The following GAK variants were observed in gnomAD, a reference collection of about 807,000 sequenced individuals.
GAK encodes cyclin-G-associated kinase.
In GAK, 79 loss-of-function variants were observed where a neutral mutation model predicts 143.9. The observed-to-expected ratio is 0.55, with a 90% CI of 0.46 to 0.66. GAK has a LOEUF of 0.66. Among genes scored for constraint, GAK ranks in the 30% least tolerant of loss-of-function variants. The pLI is 0.00. For synonymous variants in GAK, 881 were observed against 765.5 expected (o/e 1.15, Z -2.49); for missense variants, 1,693 against 1,779.7 (o/e 0.95, Z 0.88).
chr4:882,950 G>T, intron 13 of GAK, 131 bp from the exon 14 acceptor site: 1 of 1,174,294 alleles, frequency 8.5e-7, no homozygotes, highest in Non-Finnish European at 1.2e-6. Context: ...GTCCACCTGC[G>T]CGAGACCTGA....
intron 10 of GAK, among the ~76,000 whole-genome samples, chr4:890,284 G>A (rs969222067): frequency 1.3e-5 from 2 of 152,168 alleles, no homozygotes; most frequent in Non-Finnish European, 2.9e-5. Context: ...CTCTTCCCTT[G>A]GCTGGCTTTA....
intron 11 of GAK, 140 bp from the exon 12 acceptor site, chr4:884,226 T>C (rs1429429848): frequency 7.4e-6 from 5 of 671,708 alleles, no homozygotes; most frequent in Non-Finnish European, 7.8e-6. Flanking sequence ...AACGTGTGTG[T>C]GCACAGGCGT....
chr4:880,479 C>T (rs1322063667), intron 15 of GAK, among the ~76,000 whole-genome samples: 1 of 152,236 alleles, frequency 6.6e-6, no homozygotes, highest in African/African-American at 2.4e-5. Flanking sequence ...CTTATAGTAG[C>T]TGCGCCCCCT....
At position 866,380 on chromosome 4, in the gene GAK, G is replaced by A. The variant is rs146838470; in HGVS notation, c.3027C>T (p.Ala1009=). 4.5e-5 allele frequency: 73 copies of A among 1,613,890 alleles called. No homozygotes were observed. The highest frequency in any genetic ancestry group is 5.3e-5 in the African/African-American group (4 of 74,938). The change falls in exon 22 of 28, where the codon GCC becomes GCT. Residue 1009 remains alanine (A), a synonymous_variant. Coordinates refer to ENST00000314167, the MANE Select transcript of GAK (RefSeq NM_005255.4). ...GGCACTTACCCAGGTGCAGGAAGTCGGCGCTGCAGGATGGGGGCGGAGCAC... is the reference window on the plus strand; with the variant it reads ...GGCACTTACCCAGGTGCAGGAAGTCAGCGCTGCAGGATGGGGGCGGAGCAC... ...AHSAPPPSCS[A]DFLHLGDLPG...
intron 10 of GAK, 29 bp from the exon 11 acceptor site, chr4:888,999 C>G: frequency 3.8e-6 from 6 of 1,598,896 alleles, no homozygotes; most frequent in Non-Finnish European, 5.1e-6. Flanking sequence ...TCAGCAGGCC[C>G]CAGGTGCTCG....
intron 1 of GAK, among the ~76,000 whole-genome samples, chr4:925,562 G>T (rs558744758): frequency 6.6e-6 from 1 of 152,178 alleles, no homozygotes; most frequent in Non-Finnish European, 1.5e-5. Context: ...CAACACTACA[G>T]AATGAATCTG....
In GAK at chr4:851,952, A is replaced by G. The variant is rs55697914; in HGVS notation, c.3306T>C (p.Pro1102=). 4.7e-4 allele frequency: 762 copies of G among 1,613,854 alleles called. 3 individuals carry two copies. The African/African-American group carries it at 8.6e-3, about 18-fold the overall frequency. ...TGGCCGTTTTGGGAATGAAGCCCCC[A>G]GGAGGGAATCCAGCTGGTGAGCCTG... is the stretch of plus-strand genomic sequence containing the variant. ...GLQGSPAGFP[P]GGFIPKTATT... is the part of the protein sequence containing the mutation. The change falls in exon 25 of 28, where the codon CCT becomes CCC. Residue 1102 remains proline (P), a synonymous_variant. Transcript: ENST00000314167.
At chr4:921,611 C>T (rs908737224) in intron 1 of GAK, among the ~76,000 whole-genome samples, 2 of 151,198 alleles carry the variant, frequency 1.3e-5, no homozygotes, top group African/African-American at 4.9e-5. Flanking sequence ...TGTGACAAGG[C>T]GTGATTCGTA....
intron 6 of GAK, among the ~76,000 whole-genome samples, chr4:896,931 C>A (rs976516755): frequency 6.6e-6 from 1 of 152,246 alleles, no homozygotes; most frequent in South Asian, 2.1e-4. Flanking sequence ...TTCTGTGACA[C>A]CCAGAACCCC....
chr4:917,535 T>C (rs1723266969), intron 1 of GAK, among the ~76,000 whole-genome samples: 1 of 150,382 alleles, frequency 6.6e-6, no homozygotes, highest in Admixed American at 6.6e-5. Flanking sequence ...AAAAAGAGAG[T>C]ACATATACAC....
At chr4:890,483 G>A (rs773481171) in intron 10 of GAK, 49 bp downstream of exon 10, 32 of 1,426,652 alleles carry the variant, frequency 2.2e-5, no homozygotes, top group Non-Finnish European at 2.8e-5. Context: ...GGTGCCCGGG[G>A]TGCAGCAGGA....
intron 24 of GAK, among the ~76,000 whole-genome samples, chr4:857,176 A>C (rs962710748): frequency 6.6e-6 from 1 of 152,122 alleles, no homozygotes; most frequent in Non-Finnish European, 1.5e-5. Flanking sequence ...ATCTTACTTG[A>C]TCTTGGTGTA....
At chr4:891,280 T>TG (rs1717609441) in intron 9 of GAK, among the ~76,000 whole-genome samples, 1 of 151,666 alleles carries the variant, frequency 6.6e-6, no homozygotes, top group African/African-American at 2.4e-5. Context: ...TTTTTTTTTT[T>TG]TTGAAACGGA....
chr4:889,898 C>T (rs1222567202), intron 10 of GAK, among the ~76,000 whole-genome samples: 13 of 152,236 alleles, frequency 8.5e-5, no homozygotes, highest in Admixed American at 8.5e-4. Flanking sequence ...CAGGGACACC[C>T]AGGCCCATCA....
chr4:902,475 G>C (rs186240547), intron 5 of GAK, among the ~76,000 whole-genome samples: 69 of 151,280 alleles, frequency 4.6e-4, no homozygotes, highest in Middle Eastern at 3.4e-3. Context: ...CGTGGTGTGC[G>C]CCTGTGGTCC....
At chr4:869,011 G>A (rs1438591034) in intron 19 of GAK, 4 of 321,914 alleles carry the variant, frequency 1.2e-5, no homozygotes, top group South Asian at 3.5e-5. Context: ...CGGTACACAC[G>A]AATGCATAGA....
chr4:889,955 G>A (rs557617198), intron 10 of GAK, among the ~76,000 whole-genome samples: 6 of 152,134 alleles, frequency 3.9e-5, no homozygotes, highest in South Asian at 2.1e-4. Flanking sequence ...TCACACTAGC[G>A]GCAGAACTGT....
At chr4:866,861 C>T in intron 21 of GAK, 95 bp downstream of exon 21, 2 of 989,274 alleles carry the variant, frequency 2.0e-6, no homozygotes, top group East Asian at 5.0e-5. Context: ...TCCCTTCCTG[C>T]AAGCACCTTC....
At chr4:895,863 A>T (rs988327718) in intron 7 of GAK, among the ~76,000 whole-genome samples, 1 of 152,220 alleles carries the variant, frequency 6.6e-6, no homozygotes, top group Non-Finnish European at 1.5e-5. Context: ...CAAGGCACTC[A>T]GGGCCAGATG....
Sources: allele counts gnomAD v4.1 joint callset (sites outside exome capture counted in the v4.1 genomes callset), GRCh38; gene constraint gnomAD v4.1.1; transcripts MANE v1.5; gene names NCBI Gene and HGNC (gene_info 2026-07-23, HGNC 2026-07-21).